Variants in TTLL5 observed in about 807,000 individuals in gnomAD.
TTLL5 encodes tubulin tyrosine ligase like 5, also known as tubulin polyglutamylase TTLL5.
Under a neutral mutation model 168.4 loss-of-function variants are expected in TTLL5, and 132 were observed. The observed-to-expected ratio is 0.78, with a 90% CI of 0.68 to 0.91. TTLL5 has a LOEUF of 0.91. Ranked by LOEUF, TTLL5 falls within the 40% of genes least tolerant of loss-of-function variation. The pLI, the probability that TTLL5 is intolerant of heterozygous loss-of-function variation, is 0.00. For synonymous variants in TTLL5, 546 were observed against 558.6 expected (o/e 0.98, Z 0.32); for missense variants, 1,545 against 1,581.5 (o/e 0.98, Z 0.39).
At chr14:75,916,949 A>G (rs752621667) in intron 31 of TTLL5, among the ~76,000 whole-genome samples, 1 of 152,226 alleles carries the variant, frequency 6.6e-6, no homozygotes, top group Non-Finnish European at 1.5e-5. Flanking sequence ...CAAGTACTAT[A>G]TGATTCCACT....
intron 29 of TTLL5, among the ~76,000 whole-genome samples, chr14:75,867,993 C>T (rs1187493068): frequency 6.6e-6 from 1 of 152,168 alleles, no homozygotes; most frequent in African/African-American, 2.4e-5. Flanking sequence ...CTGGTGACAT[C>T]AGCATGAGTA....
intron 23 of TTLL5, among the ~76,000 whole-genome samples, chr14:75,777,985 A>C (rs1474932873): frequency 1.3e-5 from 2 of 151,934 alleles, no homozygotes; most frequent in East Asian, 1.9e-4. Flanking sequence ...TAAAAAAAAA[A>C]AACAAAAAAC....
intron 21 of TTLL5, among the ~76,000 whole-genome samples, chr14:75,774,793 AT>A (rs1891619569): frequency 6.6e-6 from 1 of 151,834 alleles, no homozygotes; most frequent in Admixed American, 6.6e-5. Context: ...GGTTCAAGTG[AT>A]TCTCATACCT....
chr14:75,821,176 G>A (rs1379488986), intron 28 of TTLL5, among the ~76,000 whole-genome samples: 1 of 152,172 alleles, frequency 6.6e-6, no homozygotes, highest in Admixed American at 6.5e-5. Context: ...GCTCTGCCCA[G>A]GAAGCAGCAT....
intron 15 of TTLL5, among the ~76,000 whole-genome samples, chr14:75,740,000 T>C (rs1363553780): frequency 6.6e-6 from 1 of 152,244 alleles, no homozygotes. Flanking sequence ...TAAATAATGC[T>C]TAGTTAATAC....
At chr14:75,697,629 C>T (rs1797782968) in intron 6 of TTLL5, among the ~76,000 whole-genome samples, 1 of 152,134 alleles carries the variant, frequency 6.6e-6, no homozygotes, top group Non-Finnish European at 1.5e-5. Context: ...GCTGGCAAGT[C>T]ATCTGGGAAA....
intron 26 of TTLL5, among the ~76,000 whole-genome samples, chr14:75,785,955 G>A (rs888970379): frequency 2.0e-5 from 3 of 152,130 alleles, no homozygotes; most frequent in Non-Finnish European, 4.4e-5. Flanking sequence ...TCAGTTTGGG[G>A]ACTATCTTAA....
At chr14:75,743,050 C>T (rs553803622) in intron 15 of TTLL5, among the ~76,000 whole-genome samples, 5 of 152,294 alleles carry the variant, frequency 3.3e-5, no homozygotes, top group Non-Finnish European at 5.9e-5. Context: ...AGCACTTTCA[C>T]GTATTTGTTT....
rs762131201 is a variant in TTLL5, at chr14:75,902,209, A to G, written c.3808A>G (p.Ile1270Val). ...CCTTAACCCTGCAGCCTTTGTGCCC[A>G]TCACCAGCTCTACAGGTTAGTGGGC... ...SSLNPAAFVPITSSTDPAHTK... is the reference protein window; with the variant it reads ...SSLNPAAFVPVTSSTDPAHTK... The change falls in exon 31 of 32, where the codon ATC becomes GTC. Residue 1270 changes from isoleucine (I) to valine (V), a missense_variant. Ile to Val is a conservative substitution (Grantham distance 29, BLOSUM62 3). Coordinates refer to ENST00000298832, the MANE Select transcript of TTLL5 (RefSeq NM_015072.5). The G allele has an allele frequency of 6.2e-7, 1 of 1,614,186 alleles. No homozygotes were observed. The highest frequency in any genetic ancestry group is 1.7e-5 in the Admixed American group (1 of 60,016).
rs139205733 is a variant in TTLL5 at position 75,742,219 on chromosome 14, T to C, written c.1282-2876T>C. Among the ~76,000 whole-genome samples the C allele has an allele frequency of 6.2e-3, 952 of 152,328 alleles. 8 individuals are homozygous for C. Among genetic ancestry groups the C allele is most frequent in the African/African-American group, 0.022 (910 of 41,576 alleles). On this transcript the variant is annotated intron_variant, in intron 15 of 31. Coordinates refer to ENST00000298832, the MANE Select transcript of TTLL5 (RefSeq NM_015072.5). ...AATGCTTAATAAAGATACCTATTTT[T>C]ATTATATCATTTAAATGAATGTTTG...
At chr14:75,894,862 G>A (rs2032575473) in intron 30 of TTLL5, among the ~76,000 whole-genome samples, 1 of 152,010 alleles carries the variant, frequency 6.6e-6, no homozygotes, top group Non-Finnish European at 1.5e-5. Flanking sequence ...AATCACTAAG[G>A]AATAAAGAAA....
chr14:75,935,519 G>A (rs760561261), intron 31 of TTLL5, among the ~76,000 whole-genome samples: 6 of 152,206 alleles, frequency 3.9e-5, no homozygotes, highest in Non-Finnish European at 7.3e-5. Flanking sequence ...ACAACAAGTT[G>A]TGAAACTAGA....
intron 30 of TTLL5, among the ~76,000 whole-genome samples, chr14:75,900,396 T>A (rs908572907): frequency 2.6e-5 from 4 of 152,174 alleles, no homozygotes; most frequent in African/African-American, 9.7e-5. Flanking sequence ...GGCATGTCTC[T>A]TTCAGGGTTG....
chr14:75,671,748 C>G (rs1230319325), intron 3 of TTLL5, among the ~76,000 whole-genome samples: 1 of 152,116 alleles, frequency 6.6e-6, no homozygotes, highest in Admixed American at 6.5e-5. Flanking sequence ...ATCCTGAAAC[C>G]TTGCTGCACT....
chr14:75,870,243 G>A (rs958966786), intron 29 of TTLL5, among the ~76,000 whole-genome samples: 10 of 149,538 alleles, frequency 6.7e-5, no homozygotes, highest in African/African-American at 2.5e-4. Flanking sequence ...AGGCCTAGAC[G>A]TCATCCCAAT....
chr14:75,894,211 A>C (rs537598745), intron 30 of TTLL5, among the ~76,000 whole-genome samples: 1 of 152,196 alleles, frequency 6.6e-6, no homozygotes, highest in South Asian at 2.1e-4. Context: ...AGAGCAGGGA[A>C]AGGGAAATGT....
chr14:75,850,966 C>G (rs1385305803), intron 28 of TTLL5, among the ~76,000 whole-genome samples: 3 of 151,768 alleles, frequency 2.0e-5, no homozygotes, highest in Non-Finnish European at 4.4e-5. Context: ...TGTTAGCACA[C>G]ACCTGTAGTC....
At chr14:75,810,131 C>T (rs925520737) in intron 27 of TTLL5, among the ~76,000 whole-genome samples, 31 of 152,136 alleles carry the variant, frequency 2.0e-4, no homozygotes, top group African/African-American at 7.2e-4. Context: ...ATGGCAAGCC[C>T]AGAGTAGGTG....
intron 29 of TTLL5, among the ~76,000 whole-genome samples, chr14:75,880,551 T>A (rs759857931): frequency 6.6e-6 from 1 of 152,214 alleles, no homozygotes; most frequent in Non-Finnish European, 1.5e-5. Flanking sequence ...CTTCCCATCT[T>A]GAATGAGGCA....
Sources: gnomAD v4.1 joint callset for allele counts (sites outside exome capture counted in the v4.1 genomes callset) on GRCh38, gnomAD v4.1.1 for gene constraint, MANE v1.5 for transcripts, NCBI Gene and HGNC (gene_info 2026-07-23, HGNC 2026-07-21) for gene names.